LRP1B: variants seen among roughly 807,000 people sequenced by gnomAD.
LRP1B encodes LDL receptor related protein 1B.
Under a neutral mutation model 556.6 loss-of-function variants are expected in LRP1B, and 217 were observed. The observed-to-expected ratio is 0.39, with a 90% confidence interval of 0.35 to 0.44. The LOEUF is 0.44. Among genes scored for constraint, LRP1B ranks in the 20% least tolerant of loss-of-function variants. LRP1B has a pLI of 1.00. For synonymous variants in LRP1B, 2,047 were observed against 1,865.8 expected (o/e 1.10, Z -2.50); for missense variants, 5,053 against 5,620.8 (o/e 0.90, Z 3.23).
chr2:140,926,848 C>T (rs1265298899), intron 20 of LRP1B, among the ~76,000 whole-genome samples: 2 of 152,050 alleles, frequency 1.3e-5, no homozygotes, highest in East Asian at 3.9e-4. Flanking sequence ...AAGAGGAATG[C>T]CAAGACCTCA....
chr2:141,694,653 A>T (rs1218419360), intron 2 of LRP1B, among the ~76,000 whole-genome samples: 5 of 152,028 alleles, frequency 3.3e-5, no homozygotes, highest in African/African-American at 1.2e-4. Flanking sequence ...TTTCAAAAAA[A>T]AAAAAAGCAC....
intron 21 of LRP1B, among the ~76,000 whole-genome samples, chr2:140,919,672 G>C (rs1694680693): frequency 6.6e-6 from 1 of 151,978 alleles, no homozygotes. Flanking sequence ...CACACCACTT[G>C]ATACTGTGCT....
intron 43 of LRP1B, among the ~76,000 whole-genome samples, chr2:140,577,070 C>T (rs988615126): frequency 6.6e-6 from 1 of 152,064 alleles, no homozygotes; most frequent in South Asian, 2.1e-4. Context: ...CATTACCACA[C>T]AAATTCAGTC....
chr2:140,472,831 A>G (rs1573977588), intron 60 of LRP1B, among the ~76,000 whole-genome samples: 1 of 152,224 alleles, frequency 6.6e-6, no homozygotes, highest in East Asian at 1.9e-4. Context: ...TGTTGTTCTG[A>G]AAAGTCTCAT....
intron 3 of LRP1B, among the ~76,000 whole-genome samples, chr2:141,441,583 C>T (rs1680970625): frequency 6.6e-6 from 1 of 152,072 alleles, no homozygotes; most frequent in African/African-American, 2.4e-5. Flanking sequence ...TTTTAAAAAG[C>T]TCACATCAGG....
rs79341284 is a variant in LRP1B, at chr2:141,491,115, G to A, written c.206-10582C>T. Among the ~76,000 whole-genome samples the A allele has an allele frequency of 2.2e-3, 340 of 152,104 alleles. 1 individual carries two copies. Among genetic ancestry groups the A allele is most frequent in the Non-Finnish European group, 4.1e-3 (277 of 67,976 alleles). On this transcript the variant is annotated intron_variant, in intron 2 of 90. Coordinates refer to ENST00000389484, the MANE Select transcript of LRP1B (RefSeq NM_018557.3). The stretch of plus-strand genomic sequence containing the variant: ...AAATAATAAAAGTACTTTTGTTTGA[G>A]GGAAGGACAATTGTTGATTGATTCT...
intron 1 of LRP1B, among the ~76,000 whole-genome samples, chr2:142,103,926 C>T (rs2104974377): frequency 6.6e-6 from 1 of 152,208 alleles, no homozygotes; most frequent in South Asian, 2.1e-4. Context: ...AAACCTTCCT[C>T]ACAAGTGTCT....
rs772472942 is a variant in LRP1B, at chr2:141,517,029, A to AAAAAAAAAAAAAAAAAAAAAAAAC, written c.206-36497_206-36496insGTTTTTTTTTTTTTTTTTTTTTTT. On this transcript the variant is annotated intron_variant, in intron 2 of 90. Transcript: ENST00000389484. ...TAAAAAAAAAAAAAAAAAAAAAAAA[A>AAAAAAAAAAAAAAAAAAAAAAAAC]AAAGTAAATCAATGAAATAATTTAA... 5.5e-5 allele frequency among the ~76,000 whole-genome samples: 5 copies of AAAAAAAAAAAAAAAAAAAAAAAAC among 90,192 alleles called. 1 individual carries two copies. Among genetic ancestry groups the AAAAAAAAAAAAAAAAAAAAAAAAC allele is most frequent in the Non-Finnish European group, 1.1e-4 (5 of 46,912 alleles). 59.2% of individuals were successfully genotyped at this position (90,192 alleles called of 152,430 possible). A position where few individuals can be genotyped will look rare whatever the true frequency, so the allele number is the denominator to read the frequency against.
Position 140,315,001 on chromosome 2 carries a change from T to C in LRP1B, c.12739A>G (p.Arg4247Gly). 1 of 1,612,090 alleles carries C rather than the reference T, an allele frequency of 6.2e-7. No individual in the cohort carries two copies. Among genetic ancestry groups the C allele is most frequent in the Non-Finnish European group, 8.5e-7 (1 of 1,178,814 alleles). The change falls in exon 83 of 91, where the codon AGA becomes GGA. Residue 4247 changes from arginine to glycine, a missense_variant. Arg to Gly is a moderately radical substitution (Grantham distance 125, BLOSUM62 -2). Transcript: ENST00000389484. ...CHCWPSYSGE[R>G]CEVNHCSNYC... ...TTGCTACAGTGGTTGACTTCACATC[T>C]TTCTCCTGAATAACTGGGCCAACAG... is the stretch of plus-strand genomic sequence containing the variant.
intron 2 of LRP1B, among the ~76,000 whole-genome samples, chr2:141,561,285 T>G (rs1686139185): frequency 6.6e-6 from 1 of 151,872 alleles, no homozygotes; most frequent in Admixed American, 6.6e-5. Context: ...ACATTGAAAT[T>G]AAATATTCCA....
In LRP1B at chr2:141,544,316, C is replaced by CTTCTTCTTCTTCTTCTT. The variant is rs1559130887; in HGVS notation, c.206-63800_206-63784dup. On this transcript the variant is annotated intron_variant, in intron 2 of 90. Transcript: ENST00000389484. ...TACCACTCTTCTTCTTCTTCTTCTTCTTCTTCTTCTTCTTCTTCTTCTTCT... is the reference window on the plus strand; with the variant it reads ...TACCACTCTTCTTCTTCTTCTTCTTCTTCTTCTTCTTCTTCTTTTCTTCTTCTTCTTCTTCTTCTTCT... 2.0e-3 allele frequency among the ~76,000 whole-genome samples: 69 copies of CTTCTTCTTCTTCTTCTT among 34,556 alleles called. 1 individual carries two copies. Among genetic ancestry groups the CTTCTTCTTCTTCTTCTT allele is most frequent in the South Asian group, 8.9e-3 (4 of 450 alleles). 22.7% of individuals were successfully genotyped at this position (34,556 alleles called of 152,430 possible).
intron 7 of LRP1B, among the ~76,000 whole-genome samples, chr2:141,098,947 AT>A (rs1700392595): frequency 6.6e-6 from 1 of 152,184 alleles, no homozygotes; most frequent in Admixed American, 6.5e-5. Flanking sequence ...AATATTTTTA[AT>A]AGCCATTAAA....
At chr2:140,548,144 T>C (rs569042764) in intron 43 of LRP1B, among the ~76,000 whole-genome samples, 39 of 152,244 alleles carry the variant, frequency 2.6e-4, no homozygotes, top group African/African-American at 9.4e-4. Flanking sequence ...ATCATTTAGG[T>C]AGGCAAGTAT....
chr2:141,350,992 A>G (rs567354562), intron 3 of LRP1B, among the ~76,000 whole-genome samples: 2 of 152,060 alleles, frequency 1.3e-5, no homozygotes, highest in African/African-American at 2.4e-5. Context: ...ACAAGAATTT[A>G]AAAAAATTTC....
At chr2:141,799,490 GAA>G in intron 2 of LRP1B, among the ~76,000 whole-genome samples, 1 of 152,098 alleles carries the variant, frequency 6.6e-6, no homozygotes, top group Non-Finnish European at 1.5e-5. Flanking sequence ...CTGACAACCA[GAA>G]AGAAAATGTG....
intron 15 of LRP1B, among the ~76,000 whole-genome samples, chr2:141,004,251 A>G (rs958770901): frequency 2.6e-5 from 4 of 152,064 alleles, no homozygotes; most frequent in African/African-American, 9.7e-5. Flanking sequence ...TCCTAGGACT[A>G]TCTGTTAGAG....
chr2:141,452,946 C>T (rs1681478530), intron 3 of LRP1B, among the ~76,000 whole-genome samples: 2 of 152,080 alleles, frequency 1.3e-5, no homozygotes, highest in Non-Finnish European at 2.9e-5. Context: ...TTCAAAATAG[C>T]ACAATGTGGC....
intron 32 of LRP1B, among the ~76,000 whole-genome samples, chr2:140,804,649 ATTTTTTTT>A (rs869167644): frequency 3.5e-5 from 2 of 57,934 alleles, no homozygotes; most frequent in African/African-American, 5.6e-5. Context: ...GTAAAAACTA[ATTTTTTTT>A]TTTTTTTTTT....
rs148724098 is a variant in LRP1B at position 141,574,803 on chromosome 2, C to A, written c.206-94270G>T. On this transcript the variant is annotated intron_variant, in intron 2 of 90. Coordinates refer to ENST00000389484, the MANE Select transcript of LRP1B (RefSeq NM_018557.3). ...TGTGAAAATCACAAGCATTCTTTTA[C>A]ACTAACAATAGGCAAGCAGAGGGCC... 1.7e-3 allele frequency among the ~76,000 whole-genome samples: 259 copies of A among 152,126 alleles called. 3 individuals are homozygous for A. Among genetic ancestry groups the A allele is most frequent in the Admixed American group, 0.015 (236 of 15,260 alleles).
Sources: gnomAD v4.1 joint callset for allele counts (sites outside exome capture counted in the v4.1 genomes callset) on GRCh38, gnomAD v4.1.1 for gene constraint, MANE v1.5 for transcripts, NCBI Gene and HGNC (gene_info 2026-07-23, HGNC 2026-07-21) for gene names.